The following TIMM23B variants were observed in gnomAD, a reference collection of about 807,000 sequenced individuals.
TIMM23B encodes the protein translocase of inner mitochondrial membrane 23 homolog B.
In TIMM23B, 27 loss-of-function variants were observed where a neutral mutation model predicts 27.3. That is an observed-to-expected ratio of 0.99 (90% CI 0.73 to 1.36). TIMM23B has a LOEUF of 1.36. TIMM23B is among the 40% of genes most tolerant of loss of function. TIMM23B has a pLI of 0.00. For missense variants in TIMM23B, 205 were observed against 244.2 expected (o/e 0.84, Z 1.07); for synonymous variants, 73 against 92.4 (o/e 0.79, Z 1.21).
intron 1 of TIMM23B, among the ~76,000 whole-genome samples, chr10:49,944,234 C>T (rs1166252930): frequency 6.6e-6 from 1 of 152,120 alleles, no homozygotes; most frequent in Non-Finnish European, 1.5e-5. Context: ...TAAGAGAAAG[C>T]AAGGAGTTAG....
At chr10:49,946,104 C>T (rs1172340955) in intron 2 of TIMM23B, among the ~76,000 whole-genome samples, 5 of 151,616 alleles carry the variant, frequency 3.3e-5, no homozygotes, top group South Asian at 2.1e-4. Flanking sequence ...GCACGAGAAT[C>T]GCTTGAACCC....
chr10:49,951,989 A>T, intron 2 of TIMM23B, 137 bp from the exon 3 acceptor site: 1 of 626,080 alleles, frequency 1.6e-6, no homozygotes, highest in Middle Eastern at 3.8e-4. Flanking sequence ...AGAAAGTTTT[A>T]TTTTTGTTTA....
chr10:49,972,256 G>C (rs546502461), intron 6 of TIMM23B, among the ~76,000 whole-genome samples: 1 of 152,302 alleles, frequency 6.6e-6, no homozygotes, highest in Non-Finnish European at 1.5e-5. Context: ...CTGCTTGTGG[G>C]TTATCTCCAG....
intron 6 of TIMM23B, among the ~76,000 whole-genome samples, chr10:49,963,243 C>T (rs1203277459): frequency 2.0e-5 from 3 of 152,122 alleles, no homozygotes; most frequent in Non-Finnish European, 2.9e-5. Flanking sequence ...AATGAAATGC[C>T]GGGTGTGGTG....
chr10:49,956,408 TTTC>T (rs1839723536), intron 5 of TIMM23B, among the ~76,000 whole-genome samples: 1 of 145,758 alleles, frequency 6.9e-6, no homozygotes, highest in Non-Finnish European at 1.5e-5. Flanking sequence ...TAATCTATTT[TTTC>T]TTATACTAGA....
intron 2 of TIMM23B, among the ~76,000 whole-genome samples, chr10:49,950,993 A>C (rs1346023367): frequency 6.6e-6 from 1 of 152,214 alleles, no homozygotes; most frequent in East Asian, 1.9e-4. Flanking sequence ...AAGCAGTTTA[A>C]TACTAAGTCA....
chr10:49,964,908 T>C (rs2132050091), intron 6 of TIMM23B, among the ~76,000 whole-genome samples: 1 of 148,574 alleles, frequency 6.7e-6, no homozygotes. Flanking sequence ...GGAGATGAAA[T>C]GATGAAATAA....
In TIMM23B at chr10:49,958,353, T is replaced by C; in HGVS notation, c.404-17T>C. On this transcript the variant is annotated splice_polypyrimidine_tract_variant and intron_variant, in intron 5 of 6. Coordinates refer to ENST00000651259, the MANE Select transcript of TIMM23B (RefSeq NM_001290117.2). ...TTATCACTGTTTTGTCACTGAGCAC[T>C]TCCATTTCCTCTTTAGCGTTGCTCT... 1 of 1,613,042 alleles carries C rather than the reference T, an allele frequency of 6.2e-7. No individual in the cohort carries two copies. Among genetic ancestry groups the C allele is most frequent in the African/African-American group, 1.3e-5 (1 of 75,030 alleles).
At chr10:49,944,995 A>T in intron 1 of TIMM23B, 37 bp from the exon 2 acceptor site, 1 of 1,568,956 alleles carries the variant, frequency 6.4e-7, no homozygotes, top group South Asian at 1.1e-5. Flanking sequence ...TAACTTAAAG[A>T]ATTTTGTTGC....
intron 5 of TIMM23B, 82 bp downstream of exon 5, chr10:49,955,142 T>A: frequency 2.8e-6 from 4 of 1,413,156 alleles, no homozygotes; most frequent in Non-Finnish European, 4.0e-6. Flanking sequence ...GATCAACCCA[T>A]ATTCTGGTCC....
intron 6 of TIMM23B, among the ~76,000 whole-genome samples, chr10:49,959,215 G>A (rs1285579243): frequency 6.6e-6 from 1 of 152,022 alleles, no homozygotes; most frequent in African/African-American, 2.4e-5. Flanking sequence ...TTTTAGTTTA[G>A]TTTTTTTAAT....
intron 3 of TIMM23B, 53 bp downstream of exon 3, chr10:49,952,272 T>C: frequency 2.0e-6 from 3 of 1,531,418 alleles, no homozygotes; most frequent in East Asian, 2.2e-5. Context: ...TAGTTGAGGG[T>C]GCGTAAAATC....
At chr10:49,944,244 G>C (rs1839284929) in intron 1 of TIMM23B, among the ~76,000 whole-genome samples, 1 of 152,226 alleles carries the variant, frequency 6.6e-6, no homozygotes, top group South Asian at 2.1e-4. Flanking sequence ...CAAGGAGTTA[G>C]GAAATTGTTG....
intron 1 of TIMM23B, among the ~76,000 whole-genome samples, chr10:49,943,977 G>A (rs1257979155): frequency 4.3e-4 from 66 of 152,246 alleles, no homozygotes; most frequent in African/African-American, 1.5e-3. Context: ...ACAAATGCTT[G>A]GGAGGCAAGT....
intron 6 of TIMM23B, among the ~76,000 whole-genome samples, chr10:49,968,662 G>C (rs1396477427): frequency 6.6e-6 from 1 of 152,090 alleles, no homozygotes; most frequent in East Asian, 1.9e-4. Flanking sequence ...GTGAAACCCC[G>C]TCTCTACTGA....
chr10:49,966,373 C>CGAA (rs1840159802), intron 6 of TIMM23B, among the ~76,000 whole-genome samples: 1 of 141,796 alleles, frequency 7.1e-6, no homozygotes, highest in African/African-American at 2.7e-5. Context: ...TGAAATGAAA[C>CGAA]GAAATGAAGA....
chr10:49,945,873 C>A (rs1362204696), intron 2 of TIMM23B, among the ~76,000 whole-genome samples: 2 of 151,854 alleles, frequency 1.3e-5, no homozygotes, highest in African/African-American at 4.8e-5. Context: ...TTGACAACAT[C>A]CAACACCCCC....
At chr10:49,966,928 A>G (rs1190964061) in intron 6 of TIMM23B, among the ~76,000 whole-genome samples, 2 of 141,110 alleles carry the variant, frequency 1.4e-5, no homozygotes, top group South Asian at 2.4e-4. Flanking sequence ...TGTACTTACT[A>G]TGTTGAGCCC....
intron 6 of TIMM23B, among the ~76,000 whole-genome samples, chr10:49,959,210 GT>G (rs1214144567): frequency 6.6e-6 from 1 of 151,940 alleles, no homozygotes; most frequent in Non-Finnish European, 1.5e-5. Flanking sequence ...ATTCATTTTA[GT>G]TTAGTTTTTT....
Sources: allele counts gnomAD v4.1 joint callset (sites outside exome capture counted in the v4.1 genomes callset), GRCh38; gene constraint gnomAD v4.1.1; transcripts MANE v1.5; gene names NCBI Gene and HGNC (gene_info 2026-07-23, HGNC 2026-07-21).